GRB10: variants seen among roughly 807,000 people sequenced by gnomAD.
GRB10 encodes growth factor receptor-bound protein 10.
Under a neutral mutation model 80.9 loss-of-function variants are expected in GRB10, and 20 were observed. That is an observed-to-expected ratio of 0.25 (90% CI 0.17 to 0.36). The LOEUF is 0.36. Among genes scored for constraint, GRB10 ranks in the 10% least tolerant of loss-of-function variants. The probability of loss-of-function intolerance (pLI) is 1.00; values close to 1 mark genes in which losing one functional copy is unlikely to be tolerated. For missense variants in GRB10, 548 were observed against 747.7 expected (o/e 0.73, Z 3.12); for synonymous variants, 291 against 291.5 (o/e 1.00, Z 0.02).
chr7:50,739,483 T>G (rs1383619422), intron 3 of GRB10, among the ~76,000 whole-genome samples: 1 of 152,214 alleles, frequency 6.6e-6, no homozygotes, highest in African/African-American at 2.4e-5. Context: ...AAATGACACA[T>G]CCGTGACCAA....
At chr7:50,666,098 A>T (rs1401724733) in intron 7 of GRB10, among the ~76,000 whole-genome samples, 3 of 152,208 alleles carry the variant, frequency 2.0e-5, no homozygotes, top group Admixed American at 2.0e-4. Flanking sequence ...GACGCAAGGC[A>T]GCTGGGGAAG....
intron 7 of GRB10, among the ~76,000 whole-genome samples, chr7:50,649,744 C>G (rs1007202783): frequency 6.6e-6 from 1 of 152,056 alleles, no homozygotes; most frequent in African/African-American, 2.4e-5. Flanking sequence ...ATATGGGACA[C>G]ATTGGAGAGG....
intron 7 of GRB10, among the ~76,000 whole-genome samples, chr7:50,629,191 G>A (rs1462974731): frequency 6.6e-6 from 1 of 152,108 alleles, no homozygotes; most frequent in African/African-American, 2.4e-5. Context: ...GTTGAAGTGT[G>A]TGTCTCATCT....
At chr7:50,778,637 T>C (rs1414113690) in intron 2 of GRB10, among the ~76,000 whole-genome samples, 1 of 152,164 alleles carries the variant, frequency 6.6e-6, no homozygotes, top group Non-Finnish European at 1.5e-5. Flanking sequence ...AACCCAACCC[T>C]ACCTCCAAGG....
chr7:50,699,018 T>C (rs1213520170), intron 5 of GRB10, among the ~76,000 whole-genome samples: 2 of 152,244 alleles, frequency 1.3e-5, no homozygotes, highest in African/African-American at 4.8e-5. Flanking sequence ...TACTCCTAGA[T>C]AGCTTATAAT....
intron 2 of GRB10, among the ~76,000 whole-genome samples, chr7:50,758,913 A>T (rs2075411641): frequency 6.6e-6 from 1 of 152,236 alleles, no homozygotes; most frequent in African/African-American, 2.4e-5. Context: ...GGCCAGGCAC[A>T]GTGGCTCACA....
intron 7 of GRB10, among the ~76,000 whole-genome samples, chr7:50,661,756 T>C (rs1006002408): frequency 6.6e-6 from 1 of 152,144 alleles, no homozygotes; most frequent in African/African-American, 2.4e-5. Flanking sequence ...GCGCCCCACA[T>C]GTTGCCTCAG....
intron 6 of GRB10, among the ~76,000 whole-genome samples, chr7:50,671,640 GA>G (rs1462657011): frequency 1.3e-5 from 2 of 152,220 alleles, no homozygotes; most frequent in African/African-American, 4.8e-5. Context: ...GCGTCCAACT[GA>G]AACGTCTGGC....
intron 4 of GRB10, among the ~76,000 whole-genome samples, chr7:50,710,194 C>A (rs2153673721): frequency 6.6e-6 from 1 of 152,208 alleles, no homozygotes; most frequent in South Asian, 2.1e-4. Flanking sequence ...TTGGTGCCCA[C>A]CCTCTCCCCA....
chr7:50,729,723 C>T (rs899746882), intron 4 of GRB10, among the ~76,000 whole-genome samples: 4 of 140,422 alleles, frequency 2.8e-5, no homozygotes, highest in South Asian at 2.6e-4. Context: ...ACTAACGGAG[C>T]CCCCCCCGAA....
At chr7:50,779,184 T>A (rs2078018789) in intron 2 of GRB10, 1 of 150,532 alleles carries the variant, frequency 6.6e-6, no homozygotes, top group African/African-American at 2.4e-5. Flanking sequence ...GACACTAAAG[T>A]GAACACAGGG....
chr7:50,771,902 T>C (rs1220480772), intron 2 of GRB10, among the ~76,000 whole-genome samples: 1 of 152,212 alleles, frequency 6.6e-6, no homozygotes, highest in East Asian at 1.9e-4. Context: ...ATCATATCTA[T>C]TGTTTCAACT....
chr7:50,616,066 T>G (rs1239058368), intron 11 of GRB10, 144 bp downstream of exon 11: 1 of 908,214 alleles, frequency 1.1e-6, no homozygotes, highest in African/African-American at 1.7e-5. Flanking sequence ...GTTCAGCTGC[T>G]GCACAATTAG....
rs537216478 is a variant in GRB10, at chr7:50,664,104, G to A, written c.504+5618C>T. Among the ~76,000 whole-genome samples the A allele has an allele frequency of 3.5e-4, 54 of 152,298 alleles. 1 individual carries two copies. The East Asian group carries it at 8.9e-3, about 25-fold the overall frequency. On this transcript the variant is annotated intron_variant, in intron 7 of 18. Transcript: ENST00000401949. ...GGACACAGGGCCCCTCTTCCCTAGC[G>A]TGGACACCGACGCTCAGTCTTGCCT...
Position 50,593,774 on chromosome 7 carries a change from A to G in GRB10, c.1639-676T>C, listed in dbSNP as rs374399097. Among the ~76,000 whole-genome samples the G allele has an allele frequency of 9.8e-5, 15 of 152,316 alleles. No homozygotes were observed. In the East Asian group the frequency reaches 2.7e-3, roughly 27 times the overall value. ...GGAGGTCGTGTTGTTCACAGGGAATAGGTCAGCCTTAAGGCTTGGCTAATT... is the reference window on the plus strand; with the variant it reads ...GGAGGTCGTGTTGTTCACAGGGAATGGGTCAGCCTTAAGGCTTGGCTAATT... On this transcript the variant is annotated intron_variant, in intron 18 of 18. Transcript: ENST00000401949.
chr7:50,608,528 A>G (rs2048927711), intron 13 of GRB10, among the ~76,000 whole-genome samples: 1 of 152,236 alleles, frequency 6.6e-6, no homozygotes, highest in Non-Finnish European at 1.5e-5. Flanking sequence ...ATATAAAACA[A>G]TAACATTATG....
chr7:50,614,775 T>C lies in GRB10; in HGVS notation c.1090A>G (p.Ile364Val). The C allele has an allele frequency of 1.9e-6, 3 of 1,610,454 alleles. No homozygotes were observed. The highest frequency in any genetic ancestry group is 2.5e-6 in the Non-Finnish European group (3 of 1,176,692). Residue 364 changes from isoleucine (I) to valine (V), a missense_variant, in exon 12 of 19, where the codon ATA (isoleucine) becomes GTA (valine). This residue lies in a region of GRB10 where 270 missense variants were observed against 433.6 expected (regional missense o/e 0.62). Coordinates refer to ENST00000401949, the MANE Select transcript of GRB10 (RefSeq NM_001350814.2). The stretch of plus-strand genomic sequence containing the variant: ...TGTGGACAGCTCGTGGGTACCTTTA[T>C]GCAGAGCCCGTGGTCTGTAGGGGCG... ...YNAPTDHGLC[I>V]KPNKVRNETK...
At chr7:50,707,860 C>T (rs1428559785) in intron 4 of GRB10, among the ~76,000 whole-genome samples, 1 of 152,180 alleles carries the variant, frequency 6.6e-6, no homozygotes, top group African/African-American at 2.4e-5. Context: ...GTATGAGGCC[C>T]ATTCCTCTGT....
chr7:50,791,443 A>G (rs2078910375), intron 1 of GRB10, among the ~76,000 whole-genome samples: 1 of 152,184 alleles, frequency 6.6e-6, no homozygotes, highest in Non-Finnish European at 1.5e-5. Context: ...CAAATAAAAC[A>G]CAAGACTAAA....
Sources: gnomAD v4.1 joint callset for allele counts (sites outside exome capture counted in the v4.1 genomes callset) on GRCh38, gnomAD v4.1.1 for gene constraint, gnomAD v4.1.1 regional missense constraint, MANE v1.5 for transcripts, NCBI Gene and HGNC (gene_info 2026-07-23, HGNC 2026-07-21) for gene names.